The following WWOX variants were observed in gnomAD, a reference collection of about 807,000 sequenced individuals.
WWOX encodes the protein WW domain-containing oxidoreductase.
A neutral mutation model predicts 46.2 loss-of-function variants in WWOX; 69 were observed. The observed-to-expected ratio is 1.49, with a 90% CI of 1.23 to 1.82. The LOEUF is 1.82. Ranked by LOEUF, WWOX falls within the 40% of genes most tolerant of loss-of-function variation. WWOX has a pLI of 0.00. For synonymous variants in WWOX, 359 were observed against 202.6 expected (o/e 1.77, Z -6.56); for missense variants, 919 against 542.6 (o/e 1.69, Z -6.89).
intron 8 of WWOX, among the ~76,000 whole-genome samples, chr16:78,557,128 T>C (rs1430402904): frequency 6.6e-6 from 1 of 152,204 alleles, no homozygotes; most frequent in Non-Finnish European, 1.5e-5. Context: ...TCCACATTGC[T>C]CCATTTGGAC....
intron 8 of WWOX, among the ~76,000 whole-genome samples, chr16:79,043,732 T>C (rs2048014995): frequency 6.6e-6 from 1 of 152,228 alleles, no homozygotes; most frequent in Non-Finnish European, 1.5e-5. Flanking sequence ...AGGGAATTAA[T>C]CTCTGGATCC....
At chr16:79,091,996 G>T (rs1185718880) in intron 8 of WWOX, among the ~76,000 whole-genome samples, 1 of 151,920 alleles carries the variant, frequency 6.6e-6, no homozygotes, top group Non-Finnish European at 1.5e-5. Context: ...GGCCAAGATG[G>T]TCTCGATCTC....
At chr16:78,324,732 C>T (rs2080571598) in intron 5 of WWOX, among the ~76,000 whole-genome samples, 1 of 117,886 alleles carries the variant, frequency 8.5e-6, no homozygotes, top group South Asian at 2.8e-4. Flanking sequence ...ATGTCCAGAA[C>T]AGAGAAATTT....
chr16:78,911,977 C>A (rs527671105), intron 8 of WWOX, among the ~76,000 whole-genome samples: 1 of 152,142 alleles, frequency 6.6e-6, no homozygotes, highest in Admixed American at 6.5e-5. Context: ...AACAGGCAGA[C>A]TGGTCTGTGA....
intron 3 of WWOX, among the ~76,000 whole-genome samples, chr16:78,112,241 A>G (rs944366578): frequency 6.6e-6 from 1 of 152,102 alleles, no homozygotes; most frequent in Admixed American, 6.5e-5. Context: ...TTTTTCTAGC[A>G]TTTTCACTGT....
intron 8 of WWOX, among the ~76,000 whole-genome samples, chr16:78,820,784 G>T (rs1249837716): frequency 6.6e-6 from 1 of 152,108 alleles, no homozygotes; most frequent in Admixed American, 6.6e-5. Flanking sequence ...CAAGGCGTTT[G>T]TGGGGTTCGT....
At chr16:78,671,537 A>G (rs1274121930) in intron 8 of WWOX, among the ~76,000 whole-genome samples, 1 of 152,198 alleles carries the variant, frequency 6.6e-6, no homozygotes, top group Non-Finnish European at 1.5e-5. Context: ...TTAGTACAAC[A>G]ACCCTGCCCC....
At chr16:78,328,798 C>T (rs903915423) in intron 5 of WWOX, among the ~76,000 whole-genome samples, 9 of 151,870 alleles carry the variant, frequency 5.9e-5, no homozygotes, top group Non-Finnish European at 7.4e-5. Flanking sequence ...GCCTTGGTCT[C>T]AGGGTGGTTG....
intron 8 of WWOX, among the ~76,000 whole-genome samples, chr16:78,950,475 T>G (rs1465823810): frequency 1.3e-5 from 2 of 150,860 alleles, no homozygotes; most frequent in East Asian, 3.9e-4. Context: ...GCAGGTGAAC[T>G]TGAATTTGAG....
chr16:78,162,486 T>C (rs942080735), intron 4 of WWOX, among the ~76,000 whole-genome samples: 1 of 151,768 alleles, frequency 6.6e-6, no homozygotes, highest in East Asian at 1.9e-4. Context: ...TATATATATA[T>C]ACAAACGTAC....
intron 8 of WWOX, among the ~76,000 whole-genome samples, chr16:79,130,571 A>G (rs960442449): frequency 6.6e-6 from 1 of 152,182 alleles, no homozygotes; most frequent in African/African-American, 2.4e-5. Flanking sequence ...GTAATCTTAC[A>G]TTGCTCAGAA....
intron 8 of WWOX, among the ~76,000 whole-genome samples, chr16:79,200,969 A>T (rs532665975): frequency 1.3e-5 from 2 of 152,352 alleles, no homozygotes; most frequent in East Asian, 3.9e-4. Context: ...TGTAAAAATC[A>T]GAGTTATAGC....
At chr16:78,939,121 C>T (rs1038146242) in intron 8 of WWOX, among the ~76,000 whole-genome samples, 3 of 152,158 alleles carry the variant, frequency 2.0e-5, no homozygotes, top group Non-Finnish European at 4.4e-5. Context: ...GATTTTCTGC[C>T]CATTGACTTG....
chr16:78,907,835 A>G (rs2045005735), intron 8 of WWOX, among the ~76,000 whole-genome samples: 1 of 152,142 alleles, frequency 6.6e-6, no homozygotes, highest in South Asian at 2.1e-4. Context: ...AATCCTCACC[A>G]GCCCCGCAAA....
intron 8 of WWOX, among the ~76,000 whole-genome samples, chr16:78,956,501 C>G (rs1281722643): frequency 6.6e-6 from 1 of 152,072 alleles, no homozygotes; most frequent in African/African-American, 2.4e-5. Flanking sequence ...TCATCATCAC[C>G]TAAAGTCTAT....
intron 8 of WWOX, among the ~76,000 whole-genome samples, chr16:78,858,342 GTGTGTATGTATATATA>G (rs2052617811): frequency 6.6e-6 from 1 of 151,710 alleles, no homozygotes; most frequent in South Asian, 2.1e-4. Flanking sequence ...GTGTGTGTGT[GTGTGTATGTATATATA>G]TGTGTGTGTA....
At chr16:78,892,855 T>A (rs990700860) in intron 8 of WWOX, among the ~76,000 whole-genome samples, 27 of 152,220 alleles carry the variant, frequency 1.8e-4, no homozygotes, top group African/African-American at 6.0e-4. Context: ...ACTCTGCTGT[T>A]TGAGCATGTT....
At chr16:79,021,676 C>T (rs1459165295) in intron 8 of WWOX, among the ~76,000 whole-genome samples, 2 of 152,160 alleles carry the variant, frequency 1.3e-5, no homozygotes, top group African/African-American at 2.4e-5. Flanking sequence ...CTCACACGAT[C>T]GCAGTGCATT....
chr16:78,538,011 A>G (rs545026661), intron 8 of WWOX, among the ~76,000 whole-genome samples: 2 of 152,174 alleles, frequency 1.3e-5, no homozygotes, highest in Non-Finnish European at 2.9e-5. Flanking sequence ...AACGGAAAAG[A>G]TGAGGGTTGA....
Sources: allele counts gnomAD v4.1 joint callset (sites outside exome capture counted in the v4.1 genomes callset), GRCh38; gene constraint gnomAD v4.1.1; transcripts MANE v1.5; gene names NCBI Gene and HGNC (gene_info 2026-07-23, HGNC 2026-07-21).